The following SORCS1 variants were observed in gnomAD, a reference collection of about 807,000 sequenced individuals.
SORCS1 encodes the protein sortilin related VPS10 domain containing receptor 1.
SORCS1 carries 60 observed loss-of-function variants against 146.1 expected under a neutral mutation model. That is an observed-to-expected ratio of 0.41 (90% CI 0.33 to 0.51). The LOEUF is 0.51. Among genes scored for constraint, SORCS1 ranks in the 20% least tolerant of loss-of-function variants. The pLI is 0.21. For synonymous variants in SORCS1, 637 were observed against 584.0 expected (o/e 1.09, Z -1.31); for missense variants, 1,352 against 1,487.6 (o/e 0.91, Z 1.50).
intron 1 of SORCS1, among the ~76,000 whole-genome samples, chr10:107,013,341 C>T (rs1228244193): frequency 4.6e-5 from 7 of 151,866 alleles, no homozygotes; most frequent in South Asian, 2.1e-4. Context: ...AAATAAATGG[C>T]GTGGAAAGGT....
chr10:106,679,191 G>A, intron 12 of SORCS1, 65 bp downstream of exon 12: 2 of 1,324,984 alleles, frequency 1.5e-6, no homozygotes, highest in Non-Finnish European at 2.1e-6. Context: ...TCCCAGATTT[G>A]AACCAAGCTG....
At chr10:107,138,693 T>C (rs899478332) in intron 1 of SORCS1, among the ~76,000 whole-genome samples, 5 of 152,212 alleles carry the variant, frequency 3.3e-5, no homozygotes, top group Non-Finnish European at 7.4e-5. Context: ...TGTTCATAAG[T>C]GCACTTCATG....
chr10:106,976,489 A>T (rs1400626283), intron 1 of SORCS1, among the ~76,000 whole-genome samples: 1 of 150,928 alleles, frequency 6.6e-6, no homozygotes, highest in Non-Finnish European at 1.5e-5. Flanking sequence ...CCGCCACCAC[A>T]CCCGGCTAAT....
chr10:107,009,866 C>T (rs552676615), intron 1 of SORCS1, among the ~76,000 whole-genome samples: 18 of 151,826 alleles, frequency 1.2e-4, no homozygotes, highest in Non-Finnish European at 2.2e-4. Context: ...GGAGACAATA[C>T]GTAATATAAG....
chr10:106,636,291 A>C (rs558298645), intron 18 of SORCS1, among the ~76,000 whole-genome samples: 5 of 152,216 alleles, frequency 3.3e-5, no homozygotes, highest in Admixed American at 2.6e-4. Flanking sequence ...AAAGGAAAAC[A>C]ATTGCTCTAC....
intron 1 of SORCS1, among the ~76,000 whole-genome samples, chr10:107,158,235 G>C (rs928764435): frequency 2.0e-5 from 3 of 152,100 alleles, no homozygotes; most frequent in African/African-American, 7.2e-5. Flanking sequence ...TTCCTACTGG[G>C]CTTGGAATGT....
intron 1 of SORCS1, among the ~76,000 whole-genome samples, chr10:107,031,310 C>T (rs535889135): frequency 4.8e-5 from 7 of 146,968 alleles, no homozygotes; most frequent in African/African-American, 1.9e-4. Flanking sequence ...CCTTTTCAAC[C>T]CTTGCCAGAT....
chr10:106,709,376 T>G (rs1010184859), intron 6 of SORCS1, 35 bp from the exon 7 acceptor site: 2 of 1,358,816 alleles, frequency 1.5e-6, no homozygotes, highest in Non-Finnish European at 2.1e-6. Context: ...AACATGGGGT[T>G]GAGGGGGATA....
At chr10:106,745,182 G>A (rs1857634769) in intron 5 of SORCS1, among the ~76,000 whole-genome samples, 1 of 152,038 alleles carries the variant, frequency 6.6e-6, no homozygotes, top group Non-Finnish European at 1.5e-5. Context: ...ACTTTGGGAG[G>A]CCGGGCAGAC....
chr10:107,020,997 AG>A (rs1958103606), intron 1 of SORCS1, among the ~76,000 whole-genome samples: 1 of 152,182 alleles, frequency 6.6e-6, no homozygotes, highest in Non-Finnish European at 1.5e-5. Context: ...AATTTTAAAA[AG>A]GGAGAAAGTC....
intron 1 of SORCS1, among the ~76,000 whole-genome samples, chr10:107,014,312 C>G (rs1223832891): frequency 1.5e-5 from 2 of 131,242 alleles, no homozygotes; most frequent in African/African-American, 2.9e-5. Flanking sequence ...GAGAAAGAAA[C>G]AAAATAGGGG....
chr10:107,010,424 T>C (rs778132499), intron 1 of SORCS1, among the ~76,000 whole-genome samples: 2 of 71,822 alleles, frequency 2.8e-5, no homozygotes, highest in Non-Finnish European at 5.5e-5. Flanking sequence ...TCACAAGGCA[T>C]AACTTTATTT....
intron 5 of SORCS1, among the ~76,000 whole-genome samples, chr10:106,751,807 G>A (rs184014874): frequency 6.6e-6 from 1 of 152,264 alleles, no homozygotes; most frequent in East Asian, 1.9e-4. Flanking sequence ...ACAAGCATGT[G>A]TAAATCTGAT....
At chr10:107,064,645 A>T (rs1287792504) in intron 1 of SORCS1, among the ~76,000 whole-genome samples, 1 of 152,174 alleles carries the variant, frequency 6.6e-6, no homozygotes, top group African/African-American at 2.4e-5. Context: ...CAGAAGTGAG[A>T]TCTACTAAAT....
In SORCS1 at chr10:106,944,874, C is replaced by CTTTT. The variant is rs765355110; in HGVS notation, c.626+11635_626+11638dup. ...GTAGAAAGAAGCAAGAAAGAGCCTT[C>CTTTT]TTTTTTTTTTTTTTTTTTTTTTTTT... On this transcript the variant is annotated intron_variant, in intron 2 of 25. Coordinates refer to ENST00000263054, the MANE Select transcript of SORCS1 (RefSeq NM_052918.5). 3.2e-3 allele frequency among the ~76,000 whole-genome samples: 117 copies of CTTTT among 36,608 alleles called. 11 individuals carry two copies. Among genetic ancestry groups the CTTTT allele is most frequent in the African/African-American group, 6.9e-3 (69 of 9,990 alleles). 24.0% of individuals were successfully genotyped at this position (36,608 alleles called of 152,430 possible). A position where few individuals can be genotyped will look rare whatever the true frequency, so the allele number is the denominator to read the frequency against.
chr10:106,577,803 G>T (rs767204176), intron 25 of SORCS1: 16 of 514,340 alleles, frequency 3.1e-5, no homozygotes, highest in African/African-American at 6.0e-5. Flanking sequence ...AGGCAGAAAA[G>T]ACTTTTTTCT....
chr10:107,009,841 A>T (rs1957620067), intron 1 of SORCS1, among the ~76,000 whole-genome samples: 1 of 152,200 alleles, frequency 6.6e-6, no homozygotes, highest in Non-Finnish European at 1.5e-5. Context: ...AGAGCGACAA[A>T]GAATAGGTGC....
Position 106,699,349 on chromosome 10 carries a change from C to G in SORCS1, c.1278G>C (p.Ala426=), listed in dbSNP as rs370917531. Residue 426 remains alanine (A), a synonymous_variant, in exon 9 of 26, where the codon GCG becomes GCC. Coordinates refer to ENST00000263054, the MANE Select transcript of SORCS1 (RefSeq NM_052918.5). Reference sequence around the variant, plus strand: ...TGTCATTCTGGTTCCATTCTTGGACCGCTGCGAACACCTGATTCTCATCGG... The same window carrying G: ...TGTCATTCTGGTTCCATTCTTGGACGGCTGCGAACACCTGATTCTCATCGG... The part of the protein sequence containing the change: ...ISTDENQVFA[A]VQEWNQNDTY... 2.9e-5 allele frequency: 46 copies of G among 1,613,608 alleles called. No homozygotes were observed. The highest frequency in any genetic ancestry group is 5.3e-5 in the African/African-American group (4 of 74,888).
intron 1 of SORCS1, among the ~76,000 whole-genome samples, chr10:107,110,514 C>T (rs1331561784): frequency 6.6e-6 from 1 of 151,858 alleles, no homozygotes; most frequent in East Asian, 1.9e-4. Context: ...GGAGGAGGGG[C>T]TACAGACTTT....
Sources: gnomAD v4.1 joint callset for allele counts (sites outside exome capture counted in the v4.1 genomes callset) on GRCh38, gnomAD v4.1.1 for gene constraint, MANE v1.5 for transcripts, NCBI Gene and HGNC (gene_info 2026-07-23, HGNC 2026-07-21) for gene names.